Variants in ARSK observed in about 807,000 individuals in gnomAD.
ARSK encodes the protein arylsulfatase family member K.
In ARSK, 37 loss-of-function variants were observed where a neutral mutation model predicts 53.2. The observed-to-expected ratio is 0.70, with a 90% CI of 0.54 to 0.92. ARSK has a LOEUF of 0.92. ARSK is among the 40% of genes least tolerant of loss of function. ARSK has a pLI of 0.00. For missense variants in ARSK, 613 were observed against 643.0 expected (o/e 0.95, Z 0.51); for synonymous variants, 208 against 223.2 (o/e 0.93, Z 0.61).
intron 1 of ARSK, among the ~76,000 whole-genome samples, chr5:95,560,908 C>T (rs1050644517): frequency 1.3e-5 from 2 of 151,032 alleles, no homozygotes; most frequent in African/African-American, 4.9e-5. Flanking sequence ...AGGTTCAAGC[C>T]ATTCTCCTGC....
At chr5:95,561,343 T>A (rs1748632750) in intron 1 of ARSK, among the ~76,000 whole-genome samples, 1 of 152,194 alleles carries the variant, frequency 6.6e-6, no homozygotes, top group African/African-American at 2.4e-5. Context: ...TGGAAATCAG[T>A]TTGGCAGTTT....
intron 3 of ARSK, among the ~76,000 whole-genome samples, chr5:95,582,392 T>G (rs1749033808): frequency 6.6e-6 from 1 of 152,124 alleles, no homozygotes; most frequent in African/African-American, 2.4e-5. Context: ...TTAGCTTAGA[T>G]AGCTCAGATT....
At chr5:95,565,795 G>C (rs1748715769) in intron 1 of ARSK, among the ~76,000 whole-genome samples, 1 of 152,136 alleles carries the variant, frequency 6.6e-6, no homozygotes, top group Non-Finnish European at 1.5e-5. Flanking sequence ...GTAGTTAAAT[G>C]AATCCAAGTG....
At chr5:95,584,353 G>A (rs1749072668) in intron 4 of ARSK, among the ~76,000 whole-genome samples, 1 of 152,168 alleles carries the variant, frequency 6.6e-6, no homozygotes, top group African/African-American at 2.4e-5. Flanking sequence ...GTGAAAGTTT[G>A]TACTTCTTGC....
At chr5:95,567,332 A>G (rs1439678139) in intron 2 of ARSK, among the ~76,000 whole-genome samples, 2 of 152,250 alleles carry the variant, frequency 1.3e-5, no homozygotes, top group Non-Finnish European at 2.9e-5. Flanking sequence ...ATCTTGCTAG[A>G]TGAAAACAGA....
At chr5:95,559,315 G>A (rs1406561452) in intron 1 of ARSK, among the ~76,000 whole-genome samples, 1 of 152,154 alleles carries the variant, frequency 6.6e-6, no homozygotes, top group Admixed American at 6.6e-5. Context: ...ACCAATCTCA[G>A]ATAAAAATAT....
At position 95,603,769 on chromosome 5, in the gene ARSK, G is replaced by A. The variant is rs185822144; in HGVS notation, c.*243G>A. ...CTAAAAATACAAAAATTAGCTGGGC[G>A]CGGTGGTGCACACCTATAGTCTCAG... On this transcript the variant is annotated 3_prime_UTR_variant, in exon 8 of 8. Transcript: ENST00000380009. 5.3e-3 allele frequency: 1,304 copies of A among 244,272 alleles called. 8 individuals carry two copies. The highest frequency in any genetic ancestry group is 0.025 in the Middle Eastern group (18 of 720). 15.1% of individuals were successfully genotyped at this position (244,272 alleles called of 1,614,324 possible). A position where few individuals can be genotyped will look rare whatever the true frequency, so the allele number is the denominator to read the frequency against.
chr5:95,590,310 G>A (rs976995695), intron 5 of ARSK, among the ~76,000 whole-genome samples: 27 of 152,174 alleles, frequency 1.8e-4, no homozygotes, highest in Non-Finnish European at 1.6e-4. Flanking sequence ...AGGAGGTTCT[G>A]AGCAGGTTAG....
rs1024449254 is a variant in ARSK, at chr5:95,565,852, C to T, written c.127-146C>T. 39 of 711,840 alleles carry T rather than the reference C, an allele frequency of 5.5e-5. No individual in the cohort carries two copies. In the South Asian group the frequency reaches 7.0e-4, roughly 13 times the overall value. The allele number at this position is 711,840 out of a possible 1,614,324, so 44.1% of individuals were successfully genotyped here. A position where few individuals can be genotyped will look rare whatever the true frequency, so the allele number is the denominator to read the frequency against. Reference sequence around the variant, plus strand: ...CTATTTATGTACCAGATACTGGAAACACCCTCTATACTTGTTTTGTTTTTA... The same window carrying T: ...CTATTTATGTACCAGATACTGGAAATACCCTCTATACTTGTTTTGTTTTTA... On this transcript the variant is annotated intron_variant, in intron 1 of 7. Coordinates refer to ENST00000380009, the MANE Select transcript of ARSK (RefSeq NM_198150.3).
intron 3 of ARSK, among the ~76,000 whole-genome samples, chr5:95,579,639 G>T (rs1748989818): frequency 6.6e-6 from 1 of 152,198 alleles, no homozygotes; most frequent in Non-Finnish European, 1.5e-5. Flanking sequence ...TAAAGAACTG[G>T]ACCTCTGGTG....
Position 95,586,679 on chromosome 5 carries a change from A to G in ARSK, c.817A>G (p.Lys273Glu), listed in dbSNP as rs1237433462. 6.2e-7 allele frequency: 1 copy of G among 1,612,216 alleles called. No individual in the cohort carries two copies. The highest frequency in any genetic ancestry group is 8.5e-7 in the Non-Finnish European group (1 of 1,178,852). The change falls in exon 5 of 8, where the codon AAG (lysine) becomes GAG (glutamate). Residue 273 changes from lysine to glutamate, a missense_variant. Coordinates refer to ENST00000380009, the MANE Select transcript of ARSK (RefSeq NM_198150.3). ...TGGAAGATTTACAAAAAAAGAAATT[A>G]AGAATATTAGAGCATTTTATTATGC... ...CTGRFTKKEIKNIRAFYYAMC... is the reference protein window; with the variant it reads ...CTGRFTKKEIENIRAFYYAMC...
At position 95,583,147 on chromosome 5, in the gene ARSK, A is replaced by T; in HGVS notation, c.648A>T (p.Gly216=). ...ACCCTTACCCTTCACCATCTTCTGG[A>T]GAAAATTTTGGATCTTCAACATTTC... The part of the protein sequence containing the change: ...LPHPYPSPSS[G]ENFGSSTFHT... Residue 216 remains glycine, a synonymous_variant, in exon 4 of 8, where the codon GGA becomes GGT. Transcript: ENST00000380009. 6.3e-7 allele frequency: 1 copy of T among 1,599,822 alleles called. No individual in the cohort carries two copies. Among genetic ancestry groups the T allele is most frequent in the South Asian group, 1.1e-5 (1 of 89,174 alleles).
rs762803271 is a variant in ARSK, at chr5:95,572,947, TG to T, written c.416+4900del. 6.6e-5 allele frequency among the ~76,000 whole-genome samples: 10 copies of T among 152,190 alleles called. No homozygotes were observed. In the East Asian group the frequency reaches 1.9e-3, roughly 29 times the overall value. ...ATTTGACAATGTCTGGAGACATTTT[TG>T]GTTGATAACACCGGGGTTATTTTGC... On this transcript the variant is annotated intron_variant, in intron 3 of 7. Transcript: ENST00000380009.
chr5:95,565,599 G>A (rs1437175951), intron 1 of ARSK, among the ~76,000 whole-genome samples: 1 of 152,040 alleles, frequency 6.6e-6, no homozygotes, highest in Non-Finnish European at 1.5e-5. Flanking sequence ...ATTATTCATA[G>A]TTTATTTGCC....
At chr5:95,592,557 T>G (rs146637192) in intron 6 of ARSK, among the ~76,000 whole-genome samples, 2,561 of 152,142 alleles carry the variant, frequency 0.017, 28 homozygotes, top group Non-Finnish European at 0.017. Flanking sequence ...CTCTTTTTTT[T>G]TGTGTGTGTG....
chr5:95,559,633 T>C (rs1297010658), intron 1 of ARSK, among the ~76,000 whole-genome samples: 1 of 152,112 alleles, frequency 6.6e-6, no homozygotes, highest in Non-Finnish European at 1.5e-5. Flanking sequence ...ATCATCTCAA[T>C]AGATGCAGAA....
Position 95,597,723 on chromosome 5 carries a change from G to A in ARSK, c.1097-3124G>A, listed in dbSNP as rs1002750832. 4.4e-4 allele frequency among the ~76,000 whole-genome samples: 67 copies of A among 151,978 alleles called. 2 individuals carry two copies. The highest frequency in any genetic ancestry group is 4.3e-3 in the Admixed American group (66 of 15,244). On this transcript the variant is annotated intron_variant, in intron 6 of 7. Coordinates refer to ENST00000380009, the MANE Select transcript of ARSK (RefSeq NM_198150.3). ...AGCCTGGCCAACATGGTGAAACCCC[G>A]TTTCTACTAAAAATACAAAAATCAG...
At chr5:95,593,975 T>A (rs1363156269) in intron 6 of ARSK, among the ~76,000 whole-genome samples, 1 of 152,164 alleles carries the variant, frequency 6.6e-6, no homozygotes, top group East Asian at 1.9e-4. Context: ...TTAGACCTCC[T>A]CAGTAAAAGG....
chr5:95,568,850 T>C lies in ARSK; in HGVS notation c.416+801T>C, dbSNP rs1258796255. On this transcript the variant is annotated intron_variant, in intron 3 of 7. Transcript: ENST00000380009. ...CTTTCCTTCCAGGAGTATGGAATTT[T>C]GGTATGTGCGAAGTAGAGGGTGCTT... is the stretch of plus-strand genomic sequence containing the variant. Among the ~76,000 whole-genome samples the C allele has an allele frequency of 2.0e-5, 3 of 152,290 alleles. No individual in the cohort carries two copies. The East Asian group carries it at 5.8e-4, about 29-fold the overall frequency.
Sources: gnomAD v4.1 joint callset for allele counts (sites outside exome capture counted in the v4.1 genomes callset) on GRCh38, gnomAD v4.1.1 for gene constraint, MANE v1.5 for transcripts, NCBI Gene and HGNC (gene_info 2026-07-23, HGNC 2026-07-21) for gene names.